XPO7: variants seen among roughly 807,000 people sequenced by gnomAD.
XPO7 encodes the protein exportin 7.
In XPO7, 21 loss-of-function variants were observed where a neutral mutation model predicts 144.3. The ratio of observed to expected loss-of-function variants is 0.15; its 90% CI spans 0.10 to 0.21. The LOEUF (loss-of-function observed/expected upper bound fraction) is 0.21, where lower values mean the gene tolerates loss of function less well. Among genes scored for constraint, XPO7 ranks in the 10% least tolerant of loss-of-function variants. The pLI is 1.00. For synonymous variants in XPO7, 580 were observed against 499.6 expected (o/e 1.16, Z -2.15); for missense variants, 808 against 1,325.8 (o/e 0.61, Z 6.06).
At chr8:21,957,488 T>G (rs189879361) in intron 1 of XPO7, among the ~76,000 whole-genome samples, 1 of 152,284 alleles carries the variant, frequency 6.6e-6, no homozygotes, top group Admixed American at 6.5e-5. Context: ...TACCATTGAT[T>G]TTTCTGTATC....
At chr8:21,947,108 A>G (rs1030525673) in intron 1 of XPO7, among the ~76,000 whole-genome samples, 1 of 152,258 alleles carries the variant, frequency 6.6e-6, no homozygotes, top group African/African-American at 2.4e-5. Context: ...GACCAAAGAA[A>G]TTGGTAAGCA....
chr8:21,981,694 C>T (rs763801061), intron 9 of XPO7, 37 bp from the exon 10 acceptor site: 18 of 1,611,084 alleles, frequency 1.1e-5, no homozygotes, highest in Admixed American at 1.7e-5. Context: ...TGTTAAGGCA[C>T]ATTTTACATT....
intron 1 of XPO7, 151 bp from the exon 2 acceptor site, chr8:21,966,706 G>T (rs1187823646): frequency 9.5e-7 from 1 of 1,054,010 alleles, no homozygotes; most frequent in East Asian, 2.7e-5. Context: ...CCTATAAATG[G>T]TTATTAGGTG....
intron 1 of XPO7, among the ~76,000 whole-genome samples, chr8:21,926,483 A>G (rs1376169972): frequency 1.3e-5 from 2 of 152,160 alleles, no homozygotes; most frequent in Non-Finnish European, 2.9e-5. Context: ...ATTTTTTCCA[A>G]TTCTATTTAA....
rs967358588 is a variant in XPO7 at position 21,997,633 on chromosome 8, C to T, written c.2346-1122C>T. Among the ~76,000 whole-genome samples, 3 of 152,116 alleles carry T rather than the reference C, an allele frequency of 2.0e-5. No homozygotes were observed. In the East Asian group the frequency reaches 5.8e-4, roughly 29 times the overall value. ...CAGATCATCTAGTGCCTTCGCACAG[C>T]AGTAGTGAGGAGTGGGCATTTATTC... On this transcript the variant is annotated intron_variant, in intron 21 of 27. Coordinates refer to ENST00000252512, the MANE Select transcript of XPO7 (RefSeq NM_015024.5).
intron 1 of XPO7, among the ~76,000 whole-genome samples, chr8:21,956,644 AC>A (rs1811544020): frequency 1.0e-5 from 1 of 97,768 alleles, no homozygotes; most frequent in Non-Finnish European, 2.1e-5. Context: ...TGAGATTTTA[AC>A]TTTTATTTTC....
chr8:21,943,309 G>T (rs1294807031), intron 1 of XPO7, among the ~76,000 whole-genome samples: 1 of 152,158 alleles, frequency 6.6e-6, no homozygotes, highest in African/African-American at 2.4e-5. Context: ...TTAAGAACTT[G>T]ATATTTTATG....
intron 1 of XPO7, among the ~76,000 whole-genome samples, chr8:21,961,504 C>T (rs1811725043): frequency 6.6e-6 from 1 of 152,158 alleles, no homozygotes; most frequent in Non-Finnish European, 1.5e-5. Context: ...GTGTGAGCCA[C>T]TGTGCACAGC....
chr8:22,003,991 A>C lies in XPO7; in HGVS notation c.3131A>C (p.Glu1044Ala), dbSNP rs1448875383. Residue 1044 changes from glutamate (E) to alanine (A), a missense_variant, in exon 27 of 28, where the codon GAA becomes GCA. This residue lies in a region of XPO7 where 140 missense variants were observed against 237.9 expected (regional missense o/e 0.59). Transcript: ENST00000252512. ...CACCTGTGTTTTGAGAACCTGATGG[A>C]AGGCATCGAGCGAAATCTTCTTACG... ...AMHLCFENLM[E>A]GIERNLLTKN... 1 of 1,613,930 alleles carries C rather than the reference A, an allele frequency of 6.2e-7. No homozygotes were observed. The highest frequency in any genetic ancestry group is 2.2e-5 in the East Asian group (1 of 44,874).
At chr8:21,993,406 T>G (rs1046321298) in intron 19 of XPO7, among the ~76,000 whole-genome samples, 1 of 152,228 alleles carries the variant, frequency 6.6e-6, no homozygotes, top group Non-Finnish European at 1.5e-5. Flanking sequence ...ACAAGCAGAC[T>G]GTTAACAGAA....
intron 1 of XPO7, among the ~76,000 whole-genome samples, chr8:21,925,918 GT>G (rs534599256): frequency 4.6e-5 from 7 of 152,162 alleles, no homozygotes; most frequent in Non-Finnish European, 7.4e-5. Flanking sequence ...AACTCCCAGA[GT>G]TTTTTTCTGT....
chr8:21,984,848 G>A lies in XPO7; in HGVS notation c.1471+9G>A, dbSNP rs1427082444. 6.2e-7 allele frequency: 1 copy of A among 1,613,086 alleles called. No individual in the cohort carries two copies. The highest frequency in any genetic ancestry group is 2.2e-5 in the East Asian group (1 of 44,886). On this transcript the variant is annotated intron_variant, in intron 12 of 27. Transcript: ENST00000252512. ...CATTGCAGTGCAGGAGGGTGAGTGT[G>A]CAGCGTGCTGGGAACTCTAGACCTG...
chr8:21,933,135 C>G (rs1201336767), intron 1 of XPO7, among the ~76,000 whole-genome samples: 1 of 125,592 alleles, frequency 8.0e-6, no homozygotes, highest in South Asian at 2.5e-4. Flanking sequence ...GAGTCTTGCT[C>G]TGTCGCCCAG....
intron 1 of XPO7, among the ~76,000 whole-genome samples, chr8:21,942,401 G>A (rs1355077937): frequency 1.3e-5 from 2 of 152,184 alleles, no homozygotes; most frequent in African/African-American, 4.8e-5. Context: ...AGACATTATT[G>A]TGAGAAGCTT....
At chr8:22,002,015 G>A (rs557682913) in intron 24 of XPO7, 97 bp from the exon 25 acceptor site, 1 of 1,426,720 alleles carries the variant, frequency 7.0e-7, no homozygotes, top group South Asian at 1.4e-5. Flanking sequence ...TGGTTGAATT[G>A]GCCACGGTAC....
chr8:22,003,177 ATACAT>A (rs754402234), intron 25 of XPO7, 37 bp from the exon 26 acceptor site: 34 of 1,511,326 alleles, frequency 2.2e-5, no homozygotes, highest in Non-Finnish European at 2.9e-5. Context: ...TTGGGTAGCA[ATACAT>A]TAGGTCACTG....
intron 6 of XPO7, among the ~76,000 whole-genome samples, chr8:21,975,143 A>G (rs1220289196): frequency 1.3e-5 from 2 of 152,214 alleles, no homozygotes; most frequent in African/African-American, 2.4e-5. Context: ...TGTTAGTTTT[A>G]TGGTGTTTGG....
At chr8:21,996,327 A>G (rs1377419444) in intron 21 of XPO7, among the ~76,000 whole-genome samples, 1 of 152,220 alleles carries the variant, frequency 6.6e-6, no homozygotes, top group Non-Finnish European at 1.5e-5. Flanking sequence ...AGGTAGGAAG[A>G]TTGCTTTAGC....
At chr8:21,967,057 C>A in intron 2 of XPO7, 54 bp downstream of exon 2, 2 of 1,578,122 alleles carry the variant, frequency 1.3e-6, no homozygotes, top group Non-Finnish European at 1.7e-6. Flanking sequence ...AAACGTTATT[C>A]TGGTTCTCTG....
Sources: gnomAD v4.1 joint callset for allele counts (sites outside exome capture counted in the v4.1 genomes callset) on GRCh38, gnomAD v4.1.1 for gene constraint, gnomAD v4.1.1 regional missense constraint, MANE v1.5 for transcripts, NCBI Gene and HGNC (gene_info 2026-07-23, HGNC 2026-07-21) for gene names.